Variants in NCK2 observed in about 807,000 individuals in gnomAD.
NCK2 encodes cytoplasmic protein NCK2.
Under a neutral mutation model 33.9 loss-of-function variants are expected in NCK2, and 16 were observed. The ratio of observed to expected loss-of-function variants is 0.47; its 90% confidence interval spans 0.32 to 0.72. The LOEUF (loss-of-function observed/expected upper bound fraction) is 0.72, where lower values mean the gene tolerates loss of function less well. NCK2 is among the 30% of genes least tolerant of loss of function. NCK2 has a pLI of 0.03. For synonymous variants in NCK2, 273 were observed against 239.9 expected (o/e 1.14, Z -1.27); for missense variants, 418 against 537.3 (o/e 0.78, Z 2.19).
At chr2:105,817,045 G>A (rs1324514507) in intron 2 of NCK2, among the ~76,000 whole-genome samples, 6 of 151,996 alleles carry the variant, frequency 3.9e-5, no homozygotes, top group Admixed American at 3.3e-4. Context: ...GCATGGTGGC[G>A]TGCACATGTA....
intron 2 of NCK2, among the ~76,000 whole-genome samples, chr2:105,841,218 G>T (rs1434241157): frequency 1.3e-5 from 2 of 150,442 alleles, no homozygotes; most frequent in African/African-American, 5.0e-5. Context: ...CGCCTTAACC[G>T]CCAACCTACC....
At chr2:105,863,346 G>A (rs1489878133) in intron 3 of NCK2, among the ~76,000 whole-genome samples, 3 of 152,138 alleles carry the variant, frequency 2.0e-5, no homozygotes, top group East Asian at 1.9e-4. Flanking sequence ...CGTGGAAGCC[G>A]AGTCTAAGCT....
intron 2 of NCK2, among the ~76,000 whole-genome samples, chr2:105,818,918 T>C (rs1368507208): frequency 6.6e-6 from 1 of 152,198 alleles, no homozygotes; most frequent in African/African-American, 2.4e-5. Context: ...TGGAACCTTT[T>C]CAATTTCAGT....
At chr2:105,817,353 A>G (rs1466092644) in intron 2 of NCK2, among the ~76,000 whole-genome samples, 1 of 152,198 alleles carries the variant, frequency 6.6e-6, no homozygotes, top group East Asian at 1.9e-4. Context: ...AGACAAAAAC[A>G]TGTCACTGTG....
intron 2 of NCK2, among the ~76,000 whole-genome samples, chr2:105,817,024 A>G (rs1429422524): frequency 2.0e-5 from 3 of 152,120 alleles, no homozygotes; most frequent in Non-Finnish European, 2.9e-5. Context: ...TCTGTGTCAA[A>G]GGATAGCTGG....
At chr2:105,760,288 T>C (rs2104351775) in intron 1 of NCK2, among the ~76,000 whole-genome samples, 1 of 152,310 alleles carries the variant, frequency 6.6e-6, no homozygotes, top group African/African-American at 2.4e-5. Context: ...TGCCCCAGCA[T>C]GGGGTTTCCA....
chr2:105,798,567 A>G (rs1255373693), intron 1 of NCK2, among the ~76,000 whole-genome samples: 3 of 152,210 alleles, frequency 2.0e-5, no homozygotes, highest in Non-Finnish European at 2.9e-5. Context: ...ATCAGATATG[A>G]ATAGTGAAGT....
At chr2:105,869,684 T>G (rs953636251) in intron 3 of NCK2, among the ~76,000 whole-genome samples, 1 of 152,184 alleles carries the variant, frequency 6.6e-6, no homozygotes, top group African/African-American at 2.4e-5. Flanking sequence ...GATTGACACT[T>G]TAAGCAGTGC....
chr2:105,760,300 A>C (rs1050295337), intron 1 of NCK2, among the ~76,000 whole-genome samples: 4 of 152,206 alleles, frequency 2.6e-5, no homozygotes, highest in African/African-American at 9.6e-5. Context: ...GGGTTTCCAG[A>C]ATGTGGTCCT....
intron 2 of NCK2, among the ~76,000 whole-genome samples, chr2:105,834,557 T>C (rs1676317011): frequency 6.6e-6 from 1 of 152,238 alleles, no homozygotes; most frequent in Non-Finnish European, 1.5e-5. Context: ...AGGTAATGTT[T>C]TTTGTAAGCA....
chr2:105,852,386 T>C (rs952874471), intron 2 of NCK2, among the ~76,000 whole-genome samples: 2 of 152,176 alleles, frequency 1.3e-5, no homozygotes, highest in African/African-American at 4.8e-5. Context: ...CATCTAAGGC[T>C]CGGAAGAATT....
chr2:105,745,456 GC>G (rs1689249648), intron 1 of NCK2, among the ~76,000 whole-genome samples: 1 of 151,954 alleles, frequency 6.6e-6, no homozygotes, highest in African/African-American at 2.4e-5. Context: ...CGGCTGCGGG[GC>G]CCGGGGACTG....
At chr2:105,798,159 T>C (rs555647315) in intron 1 of NCK2, among the ~76,000 whole-genome samples, 1 of 152,366 alleles carries the variant, frequency 6.6e-6, no homozygotes, top group East Asian at 1.9e-4. Flanking sequence ...GGAGCTAATG[T>C]TCGCTTGTTG....
At chr2:105,823,893 C>T (rs538014541) in intron 2 of NCK2, among the ~76,000 whole-genome samples, 10 of 152,158 alleles carry the variant, frequency 6.6e-5, no homozygotes, top group South Asian at 4.1e-4. Flanking sequence ...CGTGATCAAA[C>T]GCCTTGTTCC....
intron 1 of NCK2, among the ~76,000 whole-genome samples, chr2:105,750,219 G>C (rs977816275): frequency 6.6e-6 from 1 of 152,112 alleles, no homozygotes; most frequent in Admixed American, 6.5e-5. Flanking sequence ...CACTCACGTA[G>C]CCTTCCTTCT....
At chr2:105,806,080 C>T (rs769620741) in intron 1 of NCK2, among the ~76,000 whole-genome samples, 4 of 151,376 alleles carry the variant, frequency 2.6e-5, no homozygotes, top group Non-Finnish European at 5.9e-5. Flanking sequence ...AGTTAGGTGT[C>T]GAATTTTTTA....
At chr2:105,758,132 T>A (rs1418632538) in intron 1 of NCK2, among the ~76,000 whole-genome samples, 1 of 152,242 alleles carries the variant, frequency 6.6e-6, no homozygotes, top group Non-Finnish European at 1.5e-5. Context: ...GTTAAACTAC[T>A]TGGCGCTTTG....
At chr2:105,883,564 A>G (rs1678595544) in intron 4 of NCK2, among the ~76,000 whole-genome samples, 1 of 152,174 alleles carries the variant, frequency 6.6e-6, no homozygotes, top group Non-Finnish European at 1.5e-5. Flanking sequence ...TAGAGGGTAG[A>G]TGAAAAAGGT....
chr2:105,807,846 CCTCCCTCCCTCCCTTCTCTCTATCT>C lies in NCK2; in HGVS notation c.-200-8555_-200-8531del, dbSNP rs1206158426. ...CCTCCCTCCCTTCTATCTCTCCCTC[CCTCCCTCCCTCCCTTCTCTCTATCT>C]CTCCCTCCCTCCCTTCTCTCTATCT... On this transcript the variant is annotated intron_variant, in intron 1 of 4. Transcript: ENST00000233154. Among the ~76,000 whole-genome samples the C allele has an allele frequency of 5.3e-4, 51 of 96,400 alleles. 1 individual carries two copies. Among genetic ancestry groups the C allele is most frequent in the African/African-American group, 2.5e-3 (42 of 16,908 alleles). The allele number at this position is 96,400 out of a possible 152,430, so 63.2% of individuals were successfully genotyped here.
Sources: allele counts gnomAD v4.1 joint callset (sites outside exome capture counted in the v4.1 genomes callset), GRCh38; gene constraint gnomAD v4.1.1; transcripts MANE v1.5; gene names NCBI Gene and HGNC (gene_info 2026-07-23, HGNC 2026-07-21).